Variants in FAM9C observed in about 807,000 individuals in gnomAD.
The protein encoded by FAM9C is protein FAM9C.
A neutral mutation model predicts 14.8 loss-of-function variants in FAM9C; 15 were observed. The ratio of observed to expected loss-of-function variants is 1.02; its 90% CI spans 0.68 to 1.56. FAM9C has a LOEUF of 1.56. Ranked by LOEUF, FAM9C falls within the 40% of genes most tolerant of loss-of-function variation. The probability of loss-of-function intolerance (pLI) is 0.00; values close to 1 mark genes in which losing one functional copy is unlikely to be tolerated. For missense variants in FAM9C, 116 were observed against 118.0 expected, an observed-to-expected ratio of 0.98 and a Z score of 0.08; for synonymous variants, 45 against 37.5, an observed-to-expected ratio of 1.20 and a Z score of -0.74.
At chrX:13,043,926 C>T (rs998558001) in intron 1 of FAM9C, 69 bp from the exon 2 acceptor site, 22 of 662,858 alleles carry the variant, frequency 3.3e-5, no homozygotes, top group Admixed American at 5.7e-5. Flanking sequence ...TCATCAGGAT[C>T]GCAGGTTCAA....
chrX:13,039,678 A>G (rs1233718471), intron 6 of FAM9C, 130 bp downstream of exon 6: 1 of 1,028,298 alleles, frequency 9.7e-7, no homozygotes, highest in Non-Finnish European at 1.3e-6. Flanking sequence ...CCCCTAGTCC[A>G]TGAGTCCACT....
At chrX:13,043,300 G>A (rs1188491891) in intron 2 of FAM9C, 52 bp from the exon 3 acceptor site, 4 of 1,155,122 alleles carry the variant, frequency 3.5e-6, no homozygotes, top group Non-Finnish European at 4.6e-6. Flanking sequence ...CGCTGTTGTG[G>A]ACATTTTTCA....
At chrX:13,043,928 C>T (rs2043551786) in intron 1 of FAM9C, 71 bp from the exon 2 acceptor site, 3 of 642,365 alleles carry the variant, frequency 4.7e-6, no homozygotes, top group Non-Finnish European at 7.3e-6. Flanking sequence ...ATCAGGATCG[C>T]AGGTTCAAGG....
chrX:13,042,998 G>T, intron 3 of FAM9C, 49 bp from the exon 4 acceptor site: 1 of 1,167,984 alleles, frequency 8.6e-7, no homozygotes, highest in Non-Finnish European at 1.1e-6. Flanking sequence ...TACACAAAAG[G>T]CCTTGTTTGT....
intron 5 of FAM9C, chrX:13,040,468 A>G (rs1329613745): frequency 2.4e-5 from 6 of 250,668 alleles, no homozygotes. Flanking sequence ...CATTTATCTT[A>G]TATTCACCTA....
intron 4 of FAM9C, chrX:13,041,666 T>G (rs779610107): frequency 8.9e-6 from 1 of 112,603 alleles, no homozygotes; most frequent in Admixed American, 9.4e-5. Flanking sequence ...AACTATATTT[T>G]AATAAAAGAA....
chrX:13,038,053 CT>C (rs746159867), intron 7 of FAM9C: 1 of 117,500 alleles, frequency 8.5e-6, no homozygotes, highest in East Asian at 2.6e-4. Flanking sequence ...CTGCCTTCCA[CT>C]AAAGATTTGT....
At chrX:13,041,573 C>A (rs1166779237) in intron 4 of FAM9C, 1 of 111,864 alleles carries the variant, frequency 8.9e-6, no homozygotes. Flanking sequence ...AAAAAAGTAT[C>A]TGATTTAATA....
chrX:13,040,441 A>G, intron 5 of FAM9C: 1 of 316,372 alleles, frequency 3.2e-6, no homozygotes, highest in South Asian at 1.5e-4. Context: ...AAGAATCTAC[A>G]GACTAAACGT....
At chrX:13,042,850 T>C in intron 4 of FAM9C, 68 bp downstream of exon 4, 4 of 1,103,732 alleles carry the variant, frequency 3.6e-6, no homozygotes, top group South Asian at 3.7e-5. Flanking sequence ...CTAATTCATA[T>C]AACCTACTGT....
Position 13,043,692 on chromosome X carries a change from G to A in FAM9C, c.61+37C>T, listed in dbSNP as rs201111588. 2.4e-5 allele frequency: 29 copies of A among 1,204,281 alleles called. No individual in the cohort carries two copies. In the Middle Eastern group the frequency reaches 1.4e-3, roughly 57 times the overall value. On this transcript the variant is annotated intron_variant, in intron 2 of 7. Coordinates refer to ENST00000380625, the MANE Select transcript of FAM9C (RefSeq NM_174901.6). The stretch of plus-strand genomic sequence containing the variant: ...CCAGAAAGCAGACAGACTGTTGGGC[G>A]TGCACCTTCTTCTAGGTCCCCTTGG...
At chrX:13,042,870 A>G in intron 4 of FAM9C, 48 bp downstream of exon 4, 1 of 1,190,286 alleles carries the variant, frequency 8.4e-7, no homozygotes, top group Admixed American at 2.2e-5. Context: ...TAAGGGTTGT[A>G]TGGTTGAAAA....
At chrX:13,043,434 T>G (rs1388340187) in intron 2 of FAM9C, among the ~76,000 whole-genome samples, 186 bp from the exon 3 acceptor site, 1 of 112,036 alleles carries the variant, frequency 8.9e-6, no homozygotes, top group Admixed American at 9.4e-5. Flanking sequence ...GCCCTTCGGG[T>G]TCAAGTCCCA....
chrX:13,038,967 C>T (rs1450119293), intron 6 of FAM9C, among the ~76,000 whole-genome samples: 2 of 111,492 alleles, frequency 1.8e-5, no homozygotes, highest in Non-Finnish European at 3.8e-5. Flanking sequence ...CTCTCCTCTA[C>T]GTGGCACTCA....
intron 4 of FAM9C, chrX:13,042,452 C>T (rs2043534593): frequency 8.3e-6 from 1 of 119,767 alleles, no homozygotes; most frequent in Non-Finnish European, 1.7e-5. Context: ...GGATGGAAAA[C>T]CACCCATCAG....
At position 13,043,857 on chromosome X, in the gene FAM9C, C is replaced by A. The variant is rs2043551438; in HGVS notation, c.-68G>T. The A allele has an allele frequency of 9.5e-7, 1 of 1,054,391 alleles. No individual in the cohort carries two copies. The highest frequency in any genetic ancestry group is 1.3e-6 in the Non-Finnish European group (1 of 754,021). The allele number at this position is 1,054,391 out of a possible 1,213,427, so 86.9% of individuals were successfully genotyped here. A position where few individuals can be genotyped will look rare whatever the true frequency, so the allele number is the denominator to read the frequency against. On this transcript the variant is annotated splice_region_variant and 5_prime_UTR_variant, in exon 2 of 8. Transcript: ENST00000380625. ...TGGGAAGCTAGAGGCGACCTCTGAACCTGGTGAGTGCAAAGACACACTAAG... is the reference window on the plus strand; with the variant it reads ...TGGGAAGCTAGAGGCGACCTCTGAAACTGGTGAGTGCAAAGACACACTAAG...
rs369269043 is a variant in FAM9C at position 13,039,901 on chromosome X, A to G, written c.345T>C (p.Tyr115=). 1.4e-5 allele frequency: 17 copies of G among 1,204,214 alleles called. No homozygotes were observed. The African/African-American group carries it at 2.8e-4, about 20-fold the overall frequency. Reference sequence around the variant, plus strand: ...CATTCGGCAACTTCAGAGAAATTCTATAATCACGTTTCTGCCTGTAACACA... The same window carrying G: ...CATTCGGCAACTTCAGAGAAATTCTGTAATCACGTTTCTGCCTGTAACACA... ...TTQLKRQKRD[Y]RISLKLPNVL... Residue 115 remains tyrosine (Y), a synonymous_variant, in exon 6 of 8, where the codon TAT becomes TAC. Coordinates refer to ENST00000380625, the MANE Select transcript of FAM9C (RefSeq NM_174901.6).
chrX:13,038,351 G>C, intron 7 of FAM9C, 65 bp downstream of exon 7: 2 of 881,833 alleles, frequency 2.3e-6, no homozygotes, highest in Non-Finnish European at 3.1e-6. Flanking sequence ...CAAGCAGATT[G>C]TCTTCTATTT....
In FAM9C at chrX:13,040,875, A is replaced by G; in HGVS notation, c.215-3T>C. 1 of 1,112,292 alleles carries G rather than the reference A, an allele frequency of 9.0e-7. No individual in the cohort carries two copies. 91.7% of individuals were successfully genotyped at this position (1,112,292 alleles called of 1,213,427 possible). On this transcript the variant is annotated splice_polypyrimidine_tract_variant and splice_region_variant and intron_variant, in intron 4 of 7. Coordinates refer to ENST00000380625, the MANE Select transcript of FAM9C (RefSeq NM_174901.6). ...AGCAAGATGCTCTTTAATGTCAGCT[A>G]GATAGTAAATGAATATGCATTAAAT...
Sources: gnomAD v4.1 joint callset for allele counts (sites outside exome capture counted in the v4.1 genomes callset) on GRCh38, gnomAD v4.1.1 for gene constraint, MANE v1.5 for transcripts, NCBI Gene and HGNC (gene_info 2026-07-23, HGNC 2026-07-21) for gene names.